Variants in KLHL12 observed in about 807,000 individuals in gnomAD.
The protein encoded by KLHL12 is kelch-like protein 12.
A neutral mutation model predicts 60.8 loss-of-function variants in KLHL12; 17 were observed. The observed-to-expected ratio is 0.28, with a 90% CI of 0.19 to 0.42. The LOEUF is 0.42. Among genes scored for constraint, KLHL12 ranks in the 10% least tolerant of loss-of-function variants. The probability of loss-of-function intolerance (pLI) is 1.00; values close to 1 mark genes in which losing one functional copy is unlikely to be tolerated. For missense variants in KLHL12, 468 were observed against 722.3 expected (o/e 0.65, Z 4.04); for synonymous variants, 220 against 250.9 (o/e 0.88, Z 1.16).
At chr1:202,928,509 TC>T, upstream of KLHL12, 1 of 1,304,322 alleles carries the variant, frequency 7.7e-7, no homozygotes, top group South Asian at 1.2e-5. Flanking sequence ...CTTTTTGACA[TC>T]GAGAAAACCC....
At chr1:202,896,715 T>C (rs1659845204) in intron 7 of KLHL12, 139 bp downstream of exon 7, 2 of 713,416 alleles carry the variant, frequency 2.8e-6, no homozygotes, top group Non-Finnish European at 2.5e-6. Context: ...AGTAAGTACC[T>C]ACTATATGCA....
At chr1:202,923,137 T>C (rs1660748924) in intron 2 of KLHL12, among the ~76,000 whole-genome samples, 2 of 152,218 alleles carry the variant, frequency 1.3e-5, no homozygotes, top group South Asian at 4.1e-4. Flanking sequence ...TAGCATTTCC[T>C]TGCCTGATGT....
At position 202,895,563 on chromosome 1, in the gene KLHL12, A is replaced by G; in HGVS notation, c.1094T>C (p.Met365Thr). The part of the protein sequence containing the change: ...EDGVWYSVAP[M>T]NVRRGLAGAT... ...TCCAGCAAGACCTCGTCGGACATTC[A>G]TAGGGGCCACAGAATACCAGACCCC... Residue 365 changes from methionine to threonine, a missense_variant, in exon 8 of 12, where the codon ATG (methionine) becomes ACG (threonine). Transcript: ENST00000367261. The surrounding 1 kb of genome is among the most constrained non-coding windows in gnomAD (Gnocchi z 4.2). The G allele has an allele frequency of 6.2e-7, 1 of 1,614,132 alleles. No homozygotes were observed. Among genetic ancestry groups the G allele is most frequent in the Non-Finnish European group, 8.5e-7 (1 of 1,180,016 alleles).
intron 2 of KLHL12, among the ~76,000 whole-genome samples, chr1:202,924,378 T>C (rs955342111): frequency 5.3e-5 from 8 of 152,108 alleles, no homozygotes; most frequent in Non-Finnish European, 1.0e-4. Context: ...TTAGGAGGAG[T>C]GGGATGTGGT....
intron 2 of KLHL12, among the ~76,000 whole-genome samples, chr1:202,921,625 T>C (rs1178434753): frequency 2.6e-5 from 4 of 152,256 alleles, no homozygotes; most frequent in Non-Finnish European, 4.4e-5. Flanking sequence ...ATATTTAGTC[T>C]AAATTGTTAG....
Position 202,893,252 on chromosome 1 carries a change from A to T in KLHL12, c.1567T>A (p.Tyr523Asn), listed in dbSNP as rs774009398. 10 of 1,604,798 alleles carry T rather than the reference A, an allele frequency of 6.2e-6. No homozygotes were observed. The highest frequency in any genetic ancestry group is 8.5e-6 in the Non-Finnish European group (10 of 1,176,474). ...CTAAATCCTCACCCTGCAATTGCAT[A>T]GAGTCTCCCCCGAAGCACTGTGGCC... Reference protein sequence around the residue: ...VGATVLRGRLYAIAGYDGNSL... With the variant: ...VGATVLRGRLNAIAGYDGNSL... The change falls in exon 11 of 12, where the codon TAT (tyrosine) becomes AAT (asparagine). Residue 523 changes from tyrosine to asparagine, a missense_variant. Around this residue, in one of 4 missense-constraint regions of KLHL12, gnomAD observed 68 missense variants for 119.8 expected, o/e 0.57. Transcript: ENST00000367261. This position sits in a 1 kb window ranked among gnomAD's most constrained non-coding sequence, Gnocchi z 4.1.
intron 6 of KLHL12, among the ~76,000 whole-genome samples, chr1:202,904,268 C>CGCTGGGATTACAGG (rs1660116487): frequency 6.6e-6 from 1 of 151,966 alleles, no homozygotes; most frequent in Non-Finnish European, 1.5e-5. Context: ...CCTCCCAAAG[C>CGCTGGGATTACAGG]GCTGGGATTA....
At chr1:202,922,074 T>C (rs546845877) in intron 2 of KLHL12, among the ~76,000 whole-genome samples, 1 of 152,346 alleles carries the variant, frequency 6.6e-6, no homozygotes, top group African/African-American at 2.4e-5. Context: ...ATTCCAGAAA[T>C]TTCTCATTCA....
chr1:202,894,588 T>C lies in KLHL12; in HGVS notation c.1294+3A>G. On this transcript the variant is annotated splice_donor_region_variant and intron_variant, in intron 9 of 11. Coordinates refer to ENST00000367261, the MANE Select transcript of KLHL12 (RefSeq NM_021633.4). ...TCCCATTCCTGCATCCCAGACTCAA[T>C]ACCTAGACAGTAGATCACTCCACTG... 2 of 1,614,058 alleles carry C rather than the reference T, an allele frequency of 1.2e-6. No homozygotes were observed. Among genetic ancestry groups the C allele is most frequent in the African/African-American group, 1.3e-5 (1 of 75,020 alleles).
In KLHL12 at chr1:202,891,974, C is replaced by G. The variant is rs1463398857; in HGVS notation, c.*559G>C. The G allele has an allele frequency of 6.6e-6, 1 of 151,962 alleles. No individual in the cohort carries two copies. Among genetic ancestry groups the G allele is most frequent in the African/African-American group, 2.4e-5 (1 of 41,358 alleles). The allele number at this position is 151,962 out of a possible 1,614,324, so 9.4% of individuals were successfully genotyped here. On this transcript the variant is annotated 3_prime_UTR_variant, in exon 12 of 12. Coordinates refer to ENST00000367261, the MANE Select transcript of KLHL12 (RefSeq NM_021633.4). ...TCCAAAAGAAGTGTCAGATGAGTCTCTCTCTCCCTTGTCCCCAAAGTTTTG... is the reference window on the plus strand; with the variant it reads ...TCCAAAAGAAGTGTCAGATGAGTCTGTCTCTCCCTTGTCCCCAAAGTTTTG...
chr1:202,924,136 T>C (rs1351578496), intron 2 of KLHL12, among the ~76,000 whole-genome samples: 3 of 152,226 alleles, frequency 2.0e-5, no homozygotes, highest in East Asian at 3.8e-4. Flanking sequence ...AGCCTTACTA[T>C]ACATTTCAAG....
intron 6 of KLHL12, among the ~76,000 whole-genome samples, chr1:202,906,732 G>T (rs530616039): frequency 3.3e-5 from 5 of 152,136 alleles, no homozygotes; most frequent in African/African-American, 1.2e-4. Context: ...TGCAATCTTG[G>T]CTCACTGCAA....
intron 6 of KLHL12, among the ~76,000 whole-genome samples, chr1:202,899,769 G>T (rs1337595842): frequency 6.6e-6 from 1 of 150,756 alleles, no homozygotes; most frequent in Non-Finnish European, 1.5e-5. Context: ...GTTGCAGTGA[G>T]CCGAGATTGC....
intron 2 of KLHL12, among the ~76,000 whole-genome samples, chr1:202,922,490 C>CTT (rs769175837): frequency 4.3e-5 from 6 of 140,730 alleles, no homozygotes; most frequent in Admixed American, 1.4e-4. Context: ...AGATCCAAGA[C>CTT]TTTTTTTTTT....
intron 3 of KLHL12, among the ~76,000 whole-genome samples, chr1:202,918,931 C>T (rs1660604040): frequency 6.6e-6 from 1 of 152,104 alleles, no homozygotes; most frequent in Admixed American, 6.5e-5. Context: ...TATATAAAAA[C>T]TGAAAACATA....
At chr1:202,906,110 C>T (rs1210067450) in intron 6 of KLHL12, among the ~76,000 whole-genome samples, 12 of 145,534 alleles carry the variant, frequency 8.2e-5, no homozygotes, top group Non-Finnish European at 1.2e-4. Flanking sequence ...TGAGCCACCG[C>T]GCCCGGCCAC....
Position 202,909,080 on chromosome 1 carries a change from T to C in KLHL12, c.762A>G (p.Glu254=). 1 of 1,614,046 alleles carries C rather than the reference T, an allele frequency of 6.2e-7. No individual in the cohort carries two copies. Among genetic ancestry groups the C allele is most frequent in the South Asian group, 1.1e-5 (1 of 91,080 alleles). The stretch of plus-strand genomic sequence containing the variant: ...CAGGCCTCAGATGAAACTTCTTTGC[T>C]TCATCAACCAGATCCCTGCATTGTA... ...CSLQCRDLVD[E]AKKFHLRPEL... is the part of the protein sequence containing the mutation. The change falls in exon 6 of 12, where the codon GAA becomes GAG. Residue 254 remains glutamate (E), a synonymous_variant. Transcript: ENST00000367261. The surrounding 1 kb of genome is among the most constrained non-coding windows in gnomAD (Gnocchi z 4.1).
Position 202,919,766 on chromosome 1 carries a change from A to G in KLHL12, c.338T>C (p.Leu113Pro). The G allele has an allele frequency of 6.2e-7, 1 of 1,611,512 alleles. No homozygotes were observed. Among genetic ancestry groups the G allele is most frequent in the Non-Finnish European group, 8.5e-7 (1 of 1,179,236 alleles). Residue 113 changes from leucine (L) to proline (P), a missense_variant, in exon 3 of 12, where the codon CTT becomes CCT. Transcript: ENST00000367261. ...TTTAATGTCTGTACCTTTCAACTGA[A>G]GCAGACAGGCTGCAGGAAGCAGTTC... is the stretch of plus-strand genomic sequence containing the variant. The part of the protein sequence containing the change: ...VQELLPAACL[L>P]QLKGVKQACC...
intron 4 of KLHL12, among the ~76,000 whole-genome samples, chr1:202,911,410 TAAA>T (rs67830135): frequency 1.1e-5 from 1 of 87,648 alleles, no homozygotes; most frequent in Non-Finnish European, 2.9e-5. Context: ...CAATTTGGGT[TAAA>T]AAAAAAATAT....
Sources: gnomAD v4.1 joint callset for allele counts (sites outside exome capture counted in the v4.1 genomes callset) on GRCh38, gnomAD v4.1.1 for gene constraint, gnomAD v4.1.1 regional missense constraint, Gnocchi (gnomAD v3.1) non-coding constraint, MANE v1.5 for transcripts, NCBI Gene and HGNC (gene_info 2026-07-23, HGNC 2026-07-21) for gene names.